Variants in JOSD2 observed in about 807,000 individuals in gnomAD.
The protein encoded by JOSD2 is Josephin domain containing 2, also known as josephin-2.
In JOSD2, 20 loss-of-function variants were observed where a neutral mutation model predicts 19.3. The observed-to-expected ratio is 1.04, with a 90% CI of 0.73 to 1.51. JOSD2 has a LOEUF of 1.51. Among genes scored for constraint, JOSD2 ranks in the 40% most tolerant of loss-of-function variants. The probability of loss-of-function intolerance (pLI) is 0.00; values close to 1 mark genes in which losing one functional copy is unlikely to be tolerated. For missense variants in JOSD2, 215 were observed against 250.4 expected, an observed-to-expected ratio of 0.86 and a Z score of 0.95; for synonymous variants, 118 against 123.7, an observed-to-expected ratio of 0.95 and a Z score of 0.31.
At chr19:50,506,597 G>T in intron 3 of JOSD2, 25 bp from the exon 4 acceptor site, 1 of 1,477,616 alleles carries the variant, frequency 6.8e-7, no homozygotes. Flanking sequence ...AGGGGACACT[G>T]CCATCAGGGC....
intron 3 of JOSD2, 132 bp downstream of exon 3, chr19:50,507,442 A>C (rs1979442691): frequency 7.9e-7 from 1 of 1,267,750 alleles, no homozygotes; most frequent in Non-Finnish European, 1.1e-6. Flanking sequence ...CTTTCAACCC[A>C]TCAGTGCCAG....
intron 3 of JOSD2, among the ~76,000 whole-genome samples, chr19:50,506,781 C>A: frequency 1.2e-5 from 1 of 86,254 alleles, no homozygotes; most frequent in African/African-American, 4.4e-5. Context: ...AACCAGACCT[C>A]CCACCCACCC....
Position 50,510,384 on chromosome 19 carries a change from G to C in JOSD2, c.48C>G (p.His16Gln). The change falls in exon 2 of 5, where the codon CAC becomes CAG. Residue 16 changes from histidine to glutamine, a missense_variant. By Grantham distance (24) the His-to-Gln change is conservative. Transcript: ENST00000598418. ...CACACAGCTCCAGGCGCTGCCGTTC[G>C]TGGTACACGGTGGGTGGGCTCGGCT... ...GAQPSPPTVY[H>Q]ERQRLELCAV... 2 of 1,613,330 alleles carry C rather than the reference G, an allele frequency of 1.2e-6. No homozygotes were observed. Among genetic ancestry groups the C allele is most frequent in the South Asian group, 1.1e-5 (1 of 91,082 alleles).
In JOSD2 at chr19:50,506,494, C is replaced by T; in HGVS notation, c.351G>A (p.Leu117=). 6.4e-7 allele frequency: 1 copy of T among 1,562,386 alleles called. No homozygotes were observed. The highest frequency in any genetic ancestry group is 8.7e-7 in the Non-Finnish European group (1 of 1,154,376). ...NLPSPVSLGL[L]SLPLRRRHWV... ...AGTGCCGCCGGCGCAGCGGCAGTGA[C>T]AGCAGCCCCAGCGACACGGGCGAGG... Residue 117 remains leucine, a synonymous_variant, in exon 4 of 5, where the codon CTG becomes CTA. Transcript: ENST00000598418.
Position 50,506,100 on chromosome 19 carries a change from C to T in JOSD2, c.*73G>A. 1 of 1,450,918 alleles carries T rather than the reference C, an allele frequency of 6.9e-7. No homozygotes were observed. The highest frequency in any genetic ancestry group is 9.5e-7 in the Non-Finnish European group (1 of 1,051,540). 89.9% of individuals were successfully genotyped at this position (1,450,918 alleles called of 1,614,324 possible). ...AGGGTCCATGAAGTGCTGGCCTTTCCCAGGCATGCAGTGTGCGCAGCCGGA... is the reference window on the plus strand; with the variant it reads ...AGGGTCCATGAAGTGCTGGCCTTTCTCAGGCATGCAGTGTGCGCAGCCGGA... On this transcript the variant is annotated 3_prime_UTR_variant, in exon 5 of 5. Transcript: ENST00000598418.
chr19:50,510,391 A>T lies in JOSD2; in HGVS notation c.41T>A (p.Val14Glu). The change falls in exon 2 of 5, where the codon GTG becomes GAG. Residue 14 changes from valine (V) to glutamate (E), a missense_variant. Physicochemically the swap from Val to Glu is moderately radical, Grantham distance 121. Transcript: ENST00000598418. ...APGAQPSPPT[V>E]YHERQRLELC... ...CTCCAGGCGCTGCCGTTCGTGGTAC[A>T]CGGTGGGTGGGCTCGGCTGTGCTCC... 1.9e-6 allele frequency: 3 copies of T among 1,613,114 alleles called. No individual in the cohort carries two copies. The highest frequency in any genetic ancestry group is 2.5e-6 in the Non-Finnish European group (3 of 1,179,708).
At chr19:50,508,031 G>T (rs1979492163) in intron 2 of JOSD2, 1 of 404,014 alleles carries the variant, frequency 2.5e-6, no homozygotes, top group East Asian at 5.2e-5. Flanking sequence ...CCCAAGTCCT[G>T]TCTCTCCTGC....
At chr19:50,510,821 CAA>C (rs1212476949) in intron 1 of JOSD2, among the ~76,000 whole-genome samples, 5 of 151,412 alleles carry the variant, frequency 3.3e-5, no homozygotes, top group African/African-American at 1.2e-4. Flanking sequence ...CACTAGGTAA[CAA>C]AGTCTGTCCT....
rs764069996 is a variant in JOSD2, at chr19:50,510,294, G to C, written c.138C>G (p.Ile46Met). Residue 46 changes from isoleucine to methionine, a missense_variant, in exon 2 of 5, where the codon ATC (isoleucine) becomes ATG (methionine). Coordinates refer to ENST00000598418, the MANE Select transcript of JOSD2 (RefSeq NM_001270639.2). The part of the protein sequence containing the change: ...QLFSQEAADE[I>M]CKRLAPDSRL... ...GGGTGGGTGACGGTCACCTCTTGCA[G>C]ATCTCATCGGCAGCCTCCTGGCTAA... 1.9e-6 allele frequency: 3 copies of C among 1,613,314 alleles called. No individual in the cohort carries two copies. The highest frequency in any genetic ancestry group is 2.5e-6 in the Non-Finnish European group (3 of 1,180,012).
At position 50,506,275 on chromosome 19, in the gene JOSD2, G is replaced by C; in HGVS notation, c.468-3C>G. 3 of 1,612,444 alleles carry C rather than the reference G, an allele frequency of 1.9e-6. No individual in the cohort carries two copies. Among genetic ancestry groups the C allele is most frequent in the Non-Finnish European group, 2.5e-6 (3 of 1,179,690 alleles). ...CCAGCGCAGCCGCCAGGAAGGCCCT[G>C]GGTGGGAGAAATGGGGAGACTGAGG... On this transcript the variant is annotated splice_region_variant and splice_polypyrimidine_tract_variant and intron_variant, in intron 4 of 4. Coordinates refer to ENST00000598418, the MANE Select transcript of JOSD2 (RefSeq NM_001270639.2).
rs772856161 is a variant in JOSD2 at position 50,510,466 on chromosome 19, G to A, written c.-17-18C>T. ...GGCTCCTGCTGGGGGTTGGGAGGGG[G>A]AGAAGGTCCTCAGGGGCCCGGGATC... On this transcript the variant is annotated intron_variant, in intron 1 of 4. Transcript: ENST00000598418. 2.5e-6 allele frequency: 4 copies of A among 1,582,116 alleles called. No individual in the cohort carries two copies. Among genetic ancestry groups the A allele is most frequent in the Non-Finnish European group, 3.4e-6 (4 of 1,166,218 alleles).
In JOSD2 at chr19:50,510,318, A is replaced by G. The variant is rs757604874; in HGVS notation, c.114T>C (p.Phe38=). ...AGATCTCATCGGCAGCCTCCTGGCTAAAGAGCTGCTGCTGCAGAACGTTGT... is the reference window on the plus strand; with the variant it reads ...AGATCTCATCGGCAGCCTCCTGGCTGAAGAGCTGCTGCTGCAGAACGTTGT... ...ALNNVLQQQL[F]SQEAADEICK... The change falls in exon 2 of 5, where the codon TTT becomes TTC. Residue 38 remains phenylalanine, a synonymous_variant. Coordinates refer to ENST00000598418, the MANE Select transcript of JOSD2 (RefSeq NM_001270639.2). 8.1e-6 allele frequency: 13 copies of G among 1,613,470 alleles called. No homozygotes were observed. In the East Asian group the frequency reaches 2.5e-4, roughly 30 times the overall value.
rs572819107 is a variant in JOSD2, at chr19:50,507,901, CCT to C, written c.147-204_147-203del. ...CCTGTCTCTCCTGCCCTGACTCTGC[CCT>C]GTCCCCAAGTCCTGCCTCTCCTGCC... On this transcript the variant is annotated intron_variant, in intron 2 of 4. Transcript: ENST00000598418. The C allele has an allele frequency of 1.5e-3, 985 of 657,366 alleles. 4 individuals are homozygous for C. Among genetic ancestry groups the C allele is most frequent in the African/African-American group, 0.015 (801 of 54,460 alleles). 40.7% of individuals were successfully genotyped at this position (657,366 alleles called of 1,614,324 possible).
chr19:50,510,450 T>TGG lies in JOSD2; in HGVS notation c.-17-4_-17-3dup. On this transcript the variant is annotated splice_polypyrimidine_tract_variant and splice_region_variant and intron_variant, in intron 1 of 4. Transcript: ENST00000598418. The stretch of plus-strand genomic sequence containing the variant: ...GGGACATGCCGTCCTCGGCTCCTGC[T>TGG]GGGGGTTGGGAGGGGGAGAAGGTCC... 1 of 1,594,048 alleles carries TGG rather than the reference T, an allele frequency of 6.3e-7. No individual in the cohort carries two copies.
At chr19:50,509,819 C>T (rs574966975) in intron 2 of JOSD2, among the ~76,000 whole-genome samples, 4 of 151,772 alleles carry the variant, frequency 2.6e-5, no homozygotes, top group African/African-American at 9.7e-5. Flanking sequence ...TTTGGGAGGC[C>T]GAGGCGGGTG....
At chr19:50,510,930 T>A (rs376509052) in intron 1 of JOSD2, 187 bp downstream of exon 1, 2 of 355,162 alleles carry the variant, frequency 5.6e-6, no homozygotes, top group Non-Finnish European at 1.1e-5. Flanking sequence ...TCCCCGGTCA[T>A]GTAGCAGCGA....
In JOSD2 at chr19:50,510,368, C is replaced by T. The variant is rs768231830; in HGVS notation, c.64G>A (p.Glu22Lys). ...TTGAGGGCGTGGACAGCACACAGCTCCAGGCGCTGCCGTTCGTGGTACACG... is the reference window on the plus strand; with the variant it reads ...TTGAGGGCGTGGACAGCACACAGCTTCAGGCGCTGCCGTTCGTGGTACACG... ...PTVYHERQRL[E>K]LCAVHALNNV... Residue 22 changes from glutamate to lysine, a missense_variant, in exon 2 of 5, where the codon GAG becomes AAG. Glu to Lys is a moderately conservative substitution (Grantham distance 56). Transcript: ENST00000598418. The T allele has an allele frequency of 1.2e-6, 2 of 1,613,362 alleles. No individual in the cohort carries two copies. Among genetic ancestry groups the T allele is most frequent in the Non-Finnish European group, 1.7e-6 (2 of 1,179,980 alleles).
At chr19:50,509,537 G>C (rs1469170909) in intron 2 of JOSD2, among the ~76,000 whole-genome samples, 7 of 152,202 alleles carry the variant, frequency 4.6e-5, no homozygotes. Context: ...GGTTTGAGGG[G>C]GGCCGTGAGG....
chr19:50,507,539 C>T (rs747160409), intron 3 of JOSD2, 35 bp downstream of exon 3: 86 of 1,581,140 alleles, frequency 5.4e-5, no homozygotes, highest in Non-Finnish European at 6.6e-5. Flanking sequence ...CCTCTGTGCC[C>T]GGCCCAGCAC....
Sources: gnomAD v4.1 joint callset for allele counts (sites outside exome capture counted in the v4.1 genomes callset) on GRCh38, gnomAD v4.1.1 for gene constraint, MANE v1.5 for transcripts, NCBI Gene and HGNC (gene_info 2026-07-23, HGNC 2026-07-21) for gene names.